Variants in FN1 observed in about 807,000 individuals in gnomAD.
The protein encoded by FN1 is fibronectin 1.
In FN1, 106 loss-of-function variants were observed where a neutral mutation model predicts 297.3. The ratio of observed to expected loss-of-function variants is 0.36; its 90% CI spans 0.30 to 0.42. The LOEUF is 0.42. FN1 is among the 10% of genes least tolerant of loss of function. The pLI is 1.00. For synonymous variants in FN1, 1,149 were observed against 1,152.6 expected (o/e 1.00, Z 0.06); for missense variants, 2,690 against 3,124.9 (o/e 0.86, Z 3.32).
chr2:215,385,043 C>A, intron 28 of FN1, 67 bp from the exon 29 acceptor site: 1 of 1,094,734 alleles, frequency 9.1e-7, no homozygotes, highest in South Asian at 1.3e-5. Flanking sequence ...ACTGTTTGTT[C>A]ATTTTCCAGA....
chr2:215,399,833 A>G (rs904725935), intron 20 of FN1, among the ~76,000 whole-genome samples: 2 of 152,198 alleles, frequency 1.3e-5, no homozygotes, highest in African/African-American at 2.4e-5. Context: ...ACTGATTATC[A>G]TATTGTTTCT....
At chr2:215,379,383 G>A in intron 33 of FN1, 66 bp from the exon 34 acceptor site, 2 of 1,421,254 alleles carry the variant, frequency 1.4e-6, no homozygotes, top group Non-Finnish European at 2.0e-6. Context: ...AATAAAGTGA[G>A]TTCCAAGAAG....
chr2:215,427,734 A>G (rs1237564469), intron 6 of FN1, among the ~76,000 whole-genome samples: 2 of 152,214 alleles, frequency 1.3e-5, no homozygotes, highest in Non-Finnish European at 2.9e-5. Flanking sequence ...TTCATTCAAA[A>G]ACAAACAAAC....
Position 215,423,433 on chromosome 2 carries a change from T to G in FN1, c.1310A>C (p.Glu437Ala), listed in dbSNP as rs2064794420. ...CCACTTCATGTTGTCTCTTCTGCCC[T>G]CAGAAGTGCAATCAGTGTAATTGTG... ...NNHNYTDCTSEGRRDNMKWCG... is the reference protein window; with the variant it reads ...NNHNYTDCTSAGRRDNMKWCG... The change falls in exon 9 of 46, where the codon GAG becomes GCG. Residue 437 changes from glutamate (E) to alanine (A), a missense_variant. Glu to Ala is a moderately radical substitution (Grantham distance 107). Coordinates refer to ENST00000354785, the MANE Select transcript of FN1 (RefSeq NM_212482.4). The G allele has an allele frequency of 5.0e-6, 8 of 1,614,170 alleles. No individual in the cohort carries two copies. The East Asian group carries it at 1.8e-4, about 36-fold the overall frequency.
intron 26 of FN1, 119 bp downstream of exon 26, chr2:215,391,513 G>A: frequency 1.2e-6 from 1 of 815,278 alleles, no homozygotes; most frequent in Non-Finnish European, 2.1e-6. Flanking sequence ...TGAATTCAGA[G>A]TTTAGTTTGT....
intron 23 of FN1, among the ~76,000 whole-genome samples, chr2:215,396,570 GAGA>G (rs1242721363): frequency 2.6e-5 from 4 of 152,136 alleles, no homozygotes; most frequent in Non-Finnish European, 5.9e-5. Flanking sequence ...CATTGGGTGT[GAGA>G]AGGAGTCTAC....
intron 36 of FN1, among the ~76,000 whole-genome samples, chr2:215,376,018 T>C (rs536704549): frequency 2.0e-5 from 3 of 152,302 alleles, no homozygotes; most frequent in African/African-American, 7.2e-5. Flanking sequence ...TTATTGAGGT[T>C]TTCTCTTTAC....
intron 43 of FN1, 118 bp from the exon 44 acceptor site, chr2:215,365,103 AT>A: frequency 1.4e-6 from 1 of 736,142 alleles, no homozygotes. Flanking sequence ...AACACCACAT[AT>A]TTATGTGAAT....
At chr2:215,398,165 G>A (rs1211109729) in intron 21 of FN1, among the ~76,000 whole-genome samples, 2 of 152,224 alleles carry the variant, frequency 1.3e-5, no homozygotes, top group Non-Finnish European at 2.9e-5. Flanking sequence ...TCACATGGTA[G>A]TTCATTTCTA....
chr2:215,387,864 AAAGG>A (rs1452805863), intron 27 of FN1, among the ~76,000 whole-genome samples: 1 of 152,226 alleles, frequency 6.6e-6, no homozygotes, highest in African/African-American at 2.4e-5. Flanking sequence ...CTGGCTTAGT[AAAGG>A]AAGACAAATA....
chr2:215,362,166 A>ACAT (rs1457053155), intron 44 of FN1, 87 bp from the exon 45 acceptor site: 1 of 971,504 alleles, frequency 1.0e-6, no homozygotes, highest in Non-Finnish European at 1.6e-6. Context: ...GAAAAATGTC[A>ACAT]CATCATATGC....
intron 19 of FN1, among the ~76,000 whole-genome samples, chr2:215,405,248 T>A (rs1575601875): frequency 6.6e-6 from 1 of 152,222 alleles, no homozygotes; most frequent in South Asian, 2.1e-4. Context: ...TTGAGAATAA[T>A]AACCAGCAGT....
intron 6 of FN1, among the ~76,000 whole-genome samples, chr2:215,425,707 C>T (rs970368393): frequency 1.3e-5 from 2 of 152,140 alleles, no homozygotes; most frequent in Admixed American, 1.3e-4. Flanking sequence ...CACGCACCAC[C>T]ATGCCCAGCT....
At chr2:215,395,628 G>C (rs1190377566) in intron 23 of FN1, among the ~76,000 whole-genome samples, 3 of 152,062 alleles carry the variant, frequency 2.0e-5, no homozygotes, top group African/African-American at 7.2e-5. Context: ...AAAGAGTTGA[G>C]AGGGATGAGA....
chr2:215,435,372 C>T (rs921303828), intron 1 of FN1, among the ~76,000 whole-genome samples: 1 of 152,134 alleles, frequency 6.6e-6, no homozygotes, highest in Non-Finnish European at 1.5e-5. Context: ...TCTTTAAAGG[C>T]AAGTTTTGGT....
intron 20 of FN1, among the ~76,000 whole-genome samples, chr2:215,401,546 C>T (rs1414862417): frequency 2.0e-5 from 3 of 152,134 alleles, no homozygotes; most frequent in Non-Finnish European, 2.9e-5. Context: ...TTCTTCCTCT[C>T]TTTACATCTC....
At chr2:215,410,989 T>G (rs139038105) in intron 13 of FN1, among the ~76,000 whole-genome samples, 1 of 152,356 alleles carries the variant, frequency 6.6e-6, no homozygotes, top group East Asian at 1.9e-4. Context: ...TCAAGTTTCT[T>G]GTCCTGAAAA....
chr2:215,432,441 C>T (rs1241670529), intron 3 of FN1, among the ~76,000 whole-genome samples: 1 of 152,168 alleles, frequency 6.6e-6, no homozygotes, highest in African/African-American at 2.4e-5. Flanking sequence ...GTGTGGAAAT[C>T]CTGGTAGTTT....
intron 41 of FN1, among the ~76,000 whole-genome samples, chr2:215,368,332 A>G (rs1413271042): frequency 1.3e-5 from 2 of 152,208 alleles, no homozygotes; most frequent in Non-Finnish European, 2.9e-5. Flanking sequence ...AATTGAAGCT[A>G]GTGGAGAACT....
Sources: allele counts gnomAD v4.1 joint callset (sites outside exome capture counted in the v4.1 genomes callset), GRCh38; gene constraint gnomAD v4.1.1; transcripts MANE v1.5; gene names NCBI Gene and HGNC (gene_info 2026-07-23, HGNC 2026-07-21).